PTGFRN: variants seen among roughly 807,000 people sequenced by gnomAD.
PTGFRN encodes the protein prostaglandin F2 receptor negative regulator.
In PTGFRN, 35 loss-of-function variants were observed where a neutral mutation model predicts 83.2. That is an observed-to-expected ratio of 0.42 (90% CI 0.32 to 0.56). The LOEUF is 0.56. Among genes scored for constraint, PTGFRN ranks in the 20% least tolerant of loss-of-function variants. PTGFRN has a pLI of 0.11. For synonymous variants in PTGFRN, 519 were observed against 498.6 expected (o/e 1.04, Z -0.55); for missense variants, 1,051 against 1,179.5 (o/e 0.89, Z 1.60).
chr1:116,975,305 A>G (rs778936496), intron 7 of PTGFRN, among the ~76,000 whole-genome samples: 1 of 152,238 alleles, frequency 6.6e-6, no homozygotes, highest in Non-Finnish European at 1.5e-5. Flanking sequence ...GGGGCAGGGC[A>G]TAGCCAAACA....
Position 116,946,049 on chromosome 1 carries a change from T to A in PTGFRN, c.832+957T>A, listed in dbSNP as rs553670431. 3.7e-4 allele frequency among the ~76,000 whole-genome samples: 57 copies of A among 152,324 alleles called. 1 individual carries two copies. The highest frequency in any genetic ancestry group is 1.3e-3 in the African/African-American group (56 of 41,576). On this transcript the variant is annotated intron_variant, in intron 3 of 8. Coordinates refer to ENST00000393203, the MANE Select transcript of PTGFRN (RefSeq NM_020440.4). ...GGATGTCCTTGGTTTTCTGCAAGTC[T>A]GACATCTTCAGATCTCAGAGTACTT...
chr1:116,984,894 C>G lies in PTGFRN; in HGVS notation c.2382C>G (p.Ser794=). The change falls in exon 8 of 9, where the codon TCC becomes TCG. Residue 794 remains serine, a synonymous_variant. Transcript: ENST00000393203. ...AGGACTTTGGCAACTACTACTGTTC[C>G]GTGACTCCATGGGTGAAGTCACCAA... ...EDQDFGNYYC[S]VTPWVKSPTG... 6.2e-7 allele frequency: 1 copy of G among 1,614,148 alleles called. No individual in the cohort carries two copies. Among genetic ancestry groups the G allele is most frequent in the African/African-American group, 1.3e-5 (1 of 75,034 alleles).
Position 116,961,994 on chromosome 1 carries a change from G to A in PTGFRN, c.1639+326G>A, listed in dbSNP as rs919241543. 6.6e-6 allele frequency among the ~76,000 whole-genome samples: 1 copy of A among 152,118 alleles called. No individual in the cohort carries two copies. The highest frequency in any genetic ancestry group is 1.5e-5 in the Non-Finnish European group (1 of 68,034). On this transcript the variant is annotated intron_variant, in intron 5 of 8. Transcript: ENST00000393203. The surrounding 1 kb of genome is among the most constrained non-coding windows in gnomAD (Gnocchi z 5.4). The stretch of plus-strand genomic sequence containing the variant: ...GGACACTCTTTCCCCTGGAGAAACC[G>A]TTACCTCTCTGAGGACAGTTTCCCC...
rs72699122 is a variant in PTGFRN at position 116,958,142 on chromosome 1, G to A, written c.1214-3101G>A. Among the ~76,000 whole-genome samples, 22,365 of 152,142 alleles carry A rather than the reference G, an allele frequency of 0.15. 1,979 individuals carry two copies. The highest frequency in any genetic ancestry group is 0.23 in the Middle Eastern group (69 of 294). ...TGCCACTCTGAAAGAATCTGCACGG[G>A]GGTGGAAGTAAACCATTAAGGATCA... On this transcript the variant is annotated intron_variant, in intron 4 of 8. Coordinates refer to ENST00000393203, the MANE Select transcript of PTGFRN (RefSeq NM_020440.4). The surrounding 1 kb of genome is among the most constrained non-coding windows in gnomAD (Gnocchi z 4.9).
rs571170908 is a variant in PTGFRN at position 116,944,629 on chromosome 1, G to A, written c.419-50G>A. 69 of 1,352,576 alleles carry A rather than the reference G, an allele frequency of 5.1e-5. 2 individuals carry two copies. In the South Asian group the frequency reaches 1.0e-3, roughly 20 times the overall value. 83.8% of individuals were successfully genotyped at this position (1,352,576 alleles called of 1,614,324 possible). A position where few individuals can be genotyped will look rare whatever the true frequency, so the allele number is the denominator to read the frequency against. On this transcript the variant is annotated intron_variant, in intron 2 of 8. Coordinates refer to ENST00000393203, the MANE Select transcript of PTGFRN (RefSeq NM_020440.4). ...TTGCAGCGGTGGGCTGGCCCTTGCC[G>A]GCTGGGGTCGGTGTGGACGGGCTAC... is the stretch of plus-strand genomic sequence containing the variant.
chr1:116,911,547 G>C (rs1424821193), intron 1 of PTGFRN, among the ~76,000 whole-genome samples: 2 of 152,184 alleles, frequency 1.3e-5, no homozygotes, highest in African/African-American at 2.4e-5. Context: ...CAGAGAGCTC[G>C]TCCAGCCACA....
rs1651649436 is a variant in PTGFRN at position 116,989,636 on chromosome 1, G to T, written c.*2669G>T. ...AAAAATAGCCCCAGAAAGAGCCTAA[G>T]CTATGTTCAGATAGAAGCCTCGAAA... On this transcript the variant is annotated 3_prime_UTR_variant, in exon 9 of 9. Transcript: ENST00000393203. 6.6e-6 allele frequency: 1 copy of T among 152,456 alleles called. No individual in the cohort carries two copies. Among genetic ancestry groups the T allele is most frequent in the Admixed American group, 6.6e-5 (1 of 15,262 alleles). The allele number at this position is 152,456 out of a possible 1,614,324, so 9.4% of individuals were successfully genotyped here.
intron 5 of PTGFRN, among the ~76,000 whole-genome samples, chr1:116,965,058 T>A (rs1258847950): frequency 6.6e-6 from 1 of 152,172 alleles, no homozygotes; most frequent in Non-Finnish European, 1.5e-5. Flanking sequence ...TGGTCTTAGA[T>A]GTTCTGTACC....
intron 7 of PTGFRN, among the ~76,000 whole-genome samples, chr1:116,978,937 C>G (rs1651233603): frequency 6.6e-6 from 1 of 152,130 alleles, no homozygotes; most frequent in Admixed American, 6.5e-5. Flanking sequence ...CAAATTGTCC[C>G]TGTTTGCAGA....
chr1:116,921,994 G>A (rs1203374089), intron 1 of PTGFRN, among the ~76,000 whole-genome samples: 1 of 152,184 alleles, frequency 6.6e-6, no homozygotes, highest in African/African-American at 2.4e-5. Flanking sequence ...GTCCCATTTG[G>A]GGATTAGCTA....
intron 1 of PTGFRN, among the ~76,000 whole-genome samples, chr1:116,931,233 G>A (rs1397274712): frequency 6.6e-6 from 1 of 152,150 alleles, no homozygotes; most frequent in East Asian, 1.9e-4. Context: ...GCAAATATTT[G>A]AAAATCTGAA....
intron 5 of PTGFRN, among the ~76,000 whole-genome samples, chr1:116,962,875 A>T (rs1321704139): frequency 6.6e-6 from 1 of 152,164 alleles, no homozygotes. Flanking sequence ...TAGGGTGCCC[A>T]TTTGTAGTCC....
chr1:116,911,867 G>C (rs113880856), intron 1 of PTGFRN, among the ~76,000 whole-genome samples: 1 of 152,162 alleles, frequency 6.6e-6, no homozygotes, highest in Non-Finnish European at 1.5e-5. Flanking sequence ...TGTTAGTGGC[G>C]CACTGCTGTT....
chr1:116,943,347 G>A (rs79240021), intron 2 of PTGFRN, among the ~76,000 whole-genome samples: 33,657 of 152,156 alleles, frequency 0.22, 3,961 homozygotes, highest in African/African-American at 0.28. Context: ...TTTTCATTAA[G>A]CCAGATGCCC....
At chr1:116,939,268 G>T (rs186624557) in intron 1 of PTGFRN, among the ~76,000 whole-genome samples, 1 of 152,212 alleles carries the variant, frequency 6.6e-6, no homozygotes, top group Non-Finnish European at 1.5e-5. Flanking sequence ...CCCTAGCAGC[G>T]GTTCTCCATG....
rs1318689717 is a variant in PTGFRN at position 116,930,177 on chromosome 1, G to A, written c.50-11538G>A. On this transcript the variant is annotated intron_variant, in intron 1 of 8. Transcript: ENST00000393203. ...CAGTCTGCCAGGAGCAAGTAGATGA[G>A]TAATGTTCATAAAGAAACAGTAAGT... Among the ~76,000 whole-genome samples, 3 of 152,334 alleles carry A rather than the reference G, an allele frequency of 2.0e-5. No homozygotes were observed. The East Asian group carries it at 5.8e-4, about 29-fold the overall frequency.
At chr1:116,959,374 A>G (rs1038411099) in intron 4 of PTGFRN, among the ~76,000 whole-genome samples, 1 of 152,240 alleles carries the variant, frequency 6.6e-6, no homozygotes, top group African/African-American at 2.4e-5. Context: ...GGATGGGCAC[A>G]AGCAATTAAA....
chr1:116,953,100 G>A (rs1279588417), intron 4 of PTGFRN, among the ~76,000 whole-genome samples: 3 of 152,194 alleles, frequency 2.0e-5, no homozygotes, highest in Admixed American at 6.5e-5. Context: ...CTTCTGTGGC[G>A]TTAATTGGAA....
chr1:116,960,792 C>T (rs912305777), intron 4 of PTGFRN, among the ~76,000 whole-genome samples: 1 of 152,152 alleles, frequency 6.6e-6, no homozygotes, highest in African/African-American at 2.4e-5. Flanking sequence ...GCCTCGAGTT[C>T]TGGAATTTAC....
Sources: allele counts gnomAD v4.1 joint callset (sites outside exome capture counted in the v4.1 genomes callset), GRCh38; gene constraint gnomAD v4.1.1; non-coding constraint Gnocchi (gnomAD v3.1); transcripts MANE v1.5; gene names NCBI Gene and HGNC (gene_info 2026-07-23, HGNC 2026-07-21).